The following EYS variants were observed in gnomAD, a reference collection of about 807,000 sequenced individuals.
EYS encodes the protein protein eyes shut homolog.
In EYS, 250 loss-of-function variants were observed where a neutral mutation model predicts 282.1. That is an observed-to-expected ratio of 0.89 (90% CI 0.80 to 0.98). EYS has a LOEUF of 0.98. EYS is among the 50% of genes least tolerant of loss of function. The pLI, the probability that EYS is intolerant of heterozygous loss-of-function variation, is 0.00. For missense variants in EYS, 4,016 were observed against 3,709.0 expected, an observed-to-expected ratio of 1.08 and a Z score of -2.15; for synonymous variants, 1,355 against 1,282.9, an observed-to-expected ratio of 1.06 and a Z score of -1.20.
intron 1 of EYS, among the ~76,000 whole-genome samples, chr6:65,687,667 A>C (rs551318402): frequency 9.2e-5 from 14 of 152,212 alleles, no homozygotes; most frequent in African/African-American, 3.4e-4. Context: ...CGACATGATT[A>C]TATATCTAGA....
chr6:65,692,893 A>C (rs148604084), intron 1 of EYS, among the ~76,000 whole-genome samples: 37 of 150,290 alleles, frequency 2.5e-4, no homozygotes, highest in Middle Eastern at 3.5e-3. Context: ...TTTACTTTTT[A>C]GAATTTTGGA....
intron 13 of EYS, among the ~76,000 whole-genome samples, chr6:65,021,829 G>A (rs1772261178): frequency 6.6e-6 from 1 of 152,218 alleles, no homozygotes; most frequent in South Asian, 2.1e-4. Context: ...GGCAAAAGGA[G>A]AAGCAAACAC....
chr6:65,667,541 T>C (rs1768241342), intron 1 of EYS, among the ~76,000 whole-genome samples: 1 of 151,868 alleles, frequency 6.6e-6, no homozygotes, highest in Admixed American at 6.6e-5. Context: ...ACGCCTCTTT[T>C]CAGAGGACTT....
chr6:64,071,407 T>C (rs1250599620), intron 32 of EYS, among the ~76,000 whole-genome samples: 5 of 151,796 alleles, frequency 3.3e-5, no homozygotes, highest in Non-Finnish European at 7.4e-5. Flanking sequence ...GGGAGACTAT[T>C]TTTTTATCTA....
At chr6:65,647,346 C>T (rs548198917) in intron 1 of EYS, among the ~76,000 whole-genome samples, 33 of 152,236 alleles carry the variant, frequency 2.2e-4, no homozygotes, top group African/African-American at 7.7e-4. Flanking sequence ...GAATATATAA[C>T]CCTGAAATAA....
intron 14 of EYS, among the ~76,000 whole-genome samples, chr6:64,956,598 A>T (rs1029434985): frequency 2.0e-5 from 3 of 149,350 alleles, no homozygotes; most frequent in Admixed American, 2.0e-4. Flanking sequence ...ACATCAAGTT[A>T]AAAAGCTCCT....
intron 22 of EYS, among the ~76,000 whole-genome samples, chr6:64,761,949 A>G (rs906560519): frequency 5.3e-5 from 8 of 152,202 alleles, no homozygotes; most frequent in Non-Finnish European, 7.3e-5. Flanking sequence ...TTTCAATTCG[A>G]TAGGAGAAAA....
At chr6:64,967,766 C>G (rs1583342193) in intron 14 of EYS, among the ~76,000 whole-genome samples, 1 of 152,300 alleles carries the variant, frequency 6.6e-6, no homozygotes, top group East Asian at 1.9e-4. Flanking sequence ...TTCAGGAAGG[C>G]AGGTGCTAAA....
chr6:64,758,216 C>G (rs980867136), intron 22 of EYS, among the ~76,000 whole-genome samples: 5 of 152,062 alleles, frequency 3.3e-5, no homozygotes, highest in African/African-American at 1.2e-4. Context: ...CCTTTGGAAG[C>G]CTGGACATTC....
At chr6:64,686,860 T>TATGTGTGTATATATATACACACAC (rs1770154277) in intron 22 of EYS, among the ~76,000 whole-genome samples, 1 of 25,984 alleles carries the variant, frequency 3.8e-5, no homozygotes, top group Non-Finnish European at 1.1e-4. Flanking sequence ...TATATGTGTA[T>TATGTGTGTATATATATACACACAC]ATATATACGT....
intron 22 of EYS, among the ~76,000 whole-genome samples, chr6:64,716,759 C>T (rs1014217943): frequency 6.6e-6 from 1 of 152,070 alleles, no homozygotes; most frequent in African/African-American, 2.4e-5. Flanking sequence ...CTGTTCTTTA[C>T]GTTGATATTT....
At chr6:64,639,526 G>T (rs1582984630) in intron 22 of EYS, among the ~76,000 whole-genome samples, 1 of 90,558 alleles carries the variant, frequency 1.1e-5, no homozygotes, top group South Asian at 4.6e-4. Context: ...AGGCCCTTAT[G>T]CTAAAGATTA....
intron 19 of EYS, among the ~76,000 whole-genome samples, chr6:64,823,490 T>C (rs1764958829): frequency 6.6e-6 from 1 of 151,844 alleles, no homozygotes; most frequent in Non-Finnish European, 1.5e-5. Flanking sequence ...GTGTTTCGTA[T>C]GTTTGAAATA....
At chr6:64,779,488 G>C (rs1002691112) in intron 22 of EYS, among the ~76,000 whole-genome samples, 1 of 152,080 alleles carries the variant, frequency 6.6e-6, no homozygotes, top group Non-Finnish European at 1.5e-5. Flanking sequence ...AGTTGGGTTG[G>C]GGGAAGGGAA....
At chr6:65,089,148 C>T (rs1774475033) in intron 12 of EYS, among the ~76,000 whole-genome samples, 1 of 152,126 alleles carries the variant, frequency 6.6e-6, no homozygotes, top group Non-Finnish European at 1.5e-5. Context: ...GATTGGAACC[C>T]CCACACAGAG....
intron 22 of EYS, among the ~76,000 whole-genome samples, chr6:64,706,771 T>G (rs532136404): frequency 6.6e-6 from 1 of 152,132 alleles, no homozygotes; most frequent in South Asian, 2.1e-4. Flanking sequence ...CAATACCATC[T>G]TACTCCTGCA....
intron 22 of EYS, among the ~76,000 whole-genome samples, chr6:64,801,144 A>T (rs908210204): frequency 2.0e-5 from 3 of 151,502 alleles, no homozygotes; most frequent in Admixed American, 6.6e-5. Flanking sequence ...CTGAATGTTT[A>T]AAAAAAAATC....
At chr6:65,687,797 CGCAG>C (rs1562328921) in intron 1 of EYS, among the ~76,000 whole-genome samples, 1 of 152,068 alleles carries the variant, frequency 6.6e-6, no homozygotes, top group African/African-American at 2.4e-5. Flanking sequence ...AACAGACAAA[CGCAG>C]AGCCAAATCA....
rs1562026510 is a variant in EYS at position 63,788,382 on chromosome 6, T to C, written c.7579-133A>G. On this transcript the variant is annotated intron_variant, in intron 38 of 42. Coordinates refer to ENST00000503581, the MANE Select transcript of EYS (RefSeq NM_001142800.2). ...AGACCTGAATTTTGAAGAAATAACA[T>C]GATACCACTCAATTCTCTGCTTCTC... 7.5e-6 allele frequency: 5 copies of C among 662,364 alleles called. No individual in the cohort carries two copies. In the Admixed American group the frequency reaches 9.9e-5, roughly 13 times the overall value. The allele number at this position is 662,364 out of a possible 1,614,324, so 41.0% of individuals were successfully genotyped here.
Sources: allele counts gnomAD v4.1 joint callset (sites outside exome capture counted in the v4.1 genomes callset), GRCh38; gene constraint gnomAD v4.1.1; transcripts MANE v1.5; gene names NCBI Gene and HGNC (gene_info 2026-07-23, HGNC 2026-07-21).